Variants in FAM184B observed in about 807,000 individuals in gnomAD.
FAM184B encodes the protein family with sequence similarity 184 member B.
In FAM184B, 111 loss-of-function variants were observed where a neutral mutation model predicts 135.9. That is an observed-to-expected ratio of 0.82 (90% CI 0.70 to 0.96). FAM184B has a LOEUF of 0.96. FAM184B is among the 40% of genes least tolerant of loss of function. FAM184B has a pLI of 0.00. For synonymous variants in FAM184B, 552 were observed against 524.8 expected, an observed-to-expected ratio of 1.05 and a Z score of -0.71; for missense variants, 1,375 against 1,323.9, an observed-to-expected ratio of 1.04 and a Z score of -0.60.
intron 12 of FAM184B, among the ~76,000 whole-genome samples, chr4:17,643,107 A>AG (rs1002342684): frequency 4.6e-5 from 7 of 152,196 alleles, no homozygotes; most frequent in African/African-American, 1.2e-4. Flanking sequence ...GAGCAAGAGC[A>AG]GGGGGGTTAC....
chr4:17,683,267 GC>G (rs1390682018), intron 7 of FAM184B, among the ~76,000 whole-genome samples: 1 of 152,176 alleles, frequency 6.6e-6, no homozygotes, highest in Admixed American at 6.5e-5. Context: ...TCAGTGAGTG[GC>G]AAGTGATGGT....
Position 17,658,615 on chromosome 4 carries a change from G to A in FAM184B, c.1825-53C>T, listed in dbSNP as rs1272648991. ...CTAAGCCCCTTGCCTTTCCTGGGAT[G>A]TTTTCTTCAAATAAAAGCTTTCTAA... is the stretch of plus-strand genomic sequence containing the variant. On this transcript the variant is annotated intron_variant, in intron 9 of 17. Transcript: ENST00000265018. The A allele has an allele frequency of 6.7e-6, 10 of 1,492,192 alleles. No individual in the cohort carries two copies. In the East Asian group the frequency reaches 7.4e-5, roughly 11 times the overall value. The allele number at this position is 1,492,192 out of a possible 1,614,324, so 92.4% of individuals were successfully genotyped here.
chr4:17,740,220 C>T (rs1489644286), intron 1 of FAM184B, among the ~76,000 whole-genome samples: 2 of 151,800 alleles, frequency 1.3e-5, no homozygotes, highest in Non-Finnish European at 2.9e-5. Flanking sequence ...GGTGTGGTAG[C>T]GGGCGCCTGT....
rs1310966935 is a variant in FAM184B at position 17,633,688 on chromosome 4, C to G, written c.3089+1G>C. The G allele has an allele frequency of 3.3e-6, 5 of 1,527,532 alleles. No homozygotes were observed. The highest frequency in any genetic ancestry group is 4.4e-6 in the Non-Finnish European group (5 of 1,134,278). The allele number at this position is 1,527,532 out of a possible 1,614,324, so 94.6% of individuals were successfully genotyped here. A position where few individuals can be genotyped will look rare whatever the true frequency, so the allele number is the denominator to read the frequency against. On this transcript the variant is annotated splice_donor_variant, in intron 17 of 17. Transcript: ENST00000265018. LOFTEE classifies it high-confidence loss of function. ...GCCCCTGTCCCCAACATCCCCCAAA[C>G]CTTGTGGCAGTTTTTGCATCTGTAG...
intron 1 of FAM184B, among the ~76,000 whole-genome samples, chr4:17,755,757 A>C (rs1251025770): frequency 6.6e-6 from 1 of 152,214 alleles, no homozygotes; most frequent in Non-Finnish European, 1.5e-5. Context: ...AGTCCTTTGC[A>C]GGGACATGGA....
intron 1 of FAM184B, among the ~76,000 whole-genome samples, chr4:17,774,034 G>C (rs888196891): frequency 3.3e-5 from 5 of 152,160 alleles, no homozygotes; most frequent in Non-Finnish European, 5.9e-5. Context: ...TGGGTAGGAG[G>C]GATTCCAACC....
rs549925234 is a variant in FAM184B, at chr4:17,629,932, C to T, written c.*2600G>A. ...TAAGTTTGTGTCCTTAAATGCCTTA[C>T]TTCAATACCCAAGGCATATGGCCTC... On this transcript the variant is annotated 3_prime_UTR_variant, in exon 18 of 18. Coordinates refer to ENST00000265018, the MANE Select transcript of FAM184B (RefSeq NM_015688.2). 2 of 152,278 alleles carry T rather than the reference C, an allele frequency of 1.3e-5. No individual in the cohort carries two copies. Among genetic ancestry groups the T allele is most frequent in the African/African-American group, 4.8e-5 (2 of 41,560 alleles). The allele number at this position is 152,278 out of a possible 1,614,324, so 9.4% of individuals were successfully genotyped here. A position where few individuals can be genotyped will look rare whatever the true frequency, so the allele number is the denominator to read the frequency against.
At chr4:17,653,025 T>C (rs3815413) in intron 10 of FAM184B, 42 bp from the exon 11 acceptor site, 941,411 of 1,545,582 alleles carry the variant, frequency 0.61, 290,503 homozygotes, top group East Asian at 0.91. Context: ...AAAGTGGGCA[T>C]GAGGGTGGGA....
At chr4:17,659,770 G>A (rs543927402) in intron 9 of FAM184B, among the ~76,000 whole-genome samples, 188 bp downstream of exon 9, 157 of 152,310 alleles carry the variant, frequency 1.0e-3, no homozygotes, top group African/African-American at 3.6e-3. Flanking sequence ...ACAGGCGTGA[G>A]CCACCGTGCC....
At chr4:17,635,553 T>C (rs1715099076) in intron 15 of FAM184B, among the ~76,000 whole-genome samples, 1 of 151,654 alleles carries the variant, frequency 6.6e-6, no homozygotes, top group Non-Finnish European at 1.5e-5. Context: ...ATGGCCGATC[T>C]TGTTTGTGTG....
chr4:17,688,067 A>C (rs1481241931), intron 7 of FAM184B, among the ~76,000 whole-genome samples: 2 of 152,146 alleles, frequency 1.3e-5, no homozygotes, highest in African/African-American at 2.4e-5. Flanking sequence ...CAGCCGGGGC[A>C]AGAGAGGGGC....
intron 1 of FAM184B, among the ~76,000 whole-genome samples, chr4:17,741,935 A>C (rs1718044874): frequency 1.3e-5 from 2 of 152,030 alleles, no homozygotes; most frequent in South Asian, 4.1e-4. Context: ...TACTATCAAT[A>C]GAAGTTACTA....
At chr4:17,641,642 C>CT (rs1560165284) in intron 13 of FAM184B, among the ~76,000 whole-genome samples, 8 of 34,450 alleles carry the variant, frequency 2.3e-4, no homozygotes, top group African/African-American at 6.7e-4. Flanking sequence ...CCACGCCCGG[C>CT]CTTTTTTTTT....
chr4:17,646,668 A>G, intron 12 of FAM184B, among the ~76,000 whole-genome samples: 1 of 152,332 alleles, frequency 6.6e-6, no homozygotes, highest in East Asian at 1.9e-4. Context: ...AACATGGCAC[A>G]TGCACACATA....
At chr4:17,771,143 C>G (rs770018770) in intron 1 of FAM184B, among the ~76,000 whole-genome samples, 1 of 152,156 alleles carries the variant, frequency 6.6e-6, no homozygotes, top group Non-Finnish European at 1.5e-5. Flanking sequence ...GAAAGATAAG[C>G]GTGTCCAAGC....
chr4:17,680,727 A>G (rs1716417794), intron 7 of FAM184B, among the ~76,000 whole-genome samples: 1 of 152,126 alleles, frequency 6.6e-6, no homozygotes, highest in Non-Finnish European at 1.5e-5. Flanking sequence ...TCCTTTCCAA[A>G]CCATCTACTG....
Position 17,664,565 on chromosome 4 carries a change from T to C in FAM184B, c.1691A>G (p.Glu564Gly). Residue 564 changes from glutamate (E) to glycine (G), a missense_variant, in exon 8 of 18, where the codon GAA (glutamate) becomes GGA (glycine). By Grantham distance (98) the Glu-to-Gly change is moderately conservative. Coordinates refer to ENST00000265018, the MANE Select transcript of FAM184B (RefSeq NM_015688.2). ...AAGTCTGCATGTCCTCCTGTACCTT[T>C]CTTCTTCATCACTGCTGGTTCCTTC... Reference protein sequence around the residue: ...AEEGTSSDEEERTKVLLKEGS... With the variant: ...AEEGTSSDEEGRTKVLLKEGS... The C allele has an allele frequency of 6.4e-7, 1 of 1,551,060 alleles. No homozygotes were observed. Among genetic ancestry groups the C allele is most frequent in the Non-Finnish European group, 8.7e-7 (1 of 1,146,402 alleles).
At chr4:17,712,072 C>T (rs889213307) in intron 1 of FAM184B, among the ~76,000 whole-genome samples, 1 of 152,152 alleles carries the variant, frequency 6.6e-6, no homozygotes, top group Non-Finnish European at 1.5e-5. Context: ...ATGAGATTTT[C>T]CTCAGTCAGG....
In FAM184B at chr4:17,629,818, A is replaced by C. The variant is rs919971323; in HGVS notation, c.*2714T>G. 1 of 152,220 alleles carries C rather than the reference A, an allele frequency of 6.6e-6. No homozygotes were observed. The highest frequency in any genetic ancestry group is 2.4e-5 in the African/African-American group (1 of 41,456). 9.4% of individuals were successfully genotyped at this position (152,220 alleles called of 1,614,324 possible). On this transcript the variant is annotated 3_prime_UTR_variant, in exon 18 of 18. Coordinates refer to ENST00000265018, the MANE Select transcript of FAM184B (RefSeq NM_015688.2). ...ATTGTATTTCTTTGTCAATAGTGTT[A>C]GGGCACAGTAGGTTCATTTACTGCT...
Sources: allele counts gnomAD v4.1 joint callset (sites outside exome capture counted in the v4.1 genomes callset), GRCh38; gene constraint gnomAD v4.1.1; transcripts MANE v1.5; gene names NCBI Gene and HGNC (gene_info 2026-07-23, HGNC 2026-07-21).